CMC2: variants seen among roughly 807,000 people sequenced by gnomAD.
CMC2 encodes C-X9-C motif containing 2, also known as COX assembly mitochondrial protein 2 homolog.
A neutral mutation model predicts 7.5 loss-of-function variants in CMC2; 5 were observed. The observed-to-expected ratio is 0.66, with a 90% CI of 0.35 to 1.40. The LOEUF (loss-of-function observed/expected upper bound fraction) is 1.40. Among genes scored for constraint, CMC2 ranks in the 40% most tolerant of loss-of-function variants. CMC2 has a pLI of 0.04. For synonymous variants in CMC2, 37 were observed against 31.4 expected, an observed-to-expected ratio of 1.18 and a Z score of -0.60; for missense variants, 115 against 92.3, an observed-to-expected ratio of 1.25 and a Z score of -1.01.
At chr16:80,982,702 A>C (rs1967218517) in intron 2 of CMC2, 1 of 152,136 alleles carries the variant, frequency 6.6e-6, no homozygotes, top group African/African-American at 2.4e-5. Flanking sequence ...CAACTACATA[A>C]AATTAACTGC....
At chr16:80,979,405 A>T (rs1330910436) in intron 3 of CMC2, among the ~76,000 whole-genome samples, 1 of 152,134 alleles carries the variant, frequency 6.6e-6, no homozygotes, top group Admixed American at 6.5e-5. Context: ...TCACTAACAG[A>T]TCTCAGGCCA....
chr16:80,972,103 T>G lies in CMC2; in HGVS notation c.*3990A>C, dbSNP rs1197575798. 1 of 152,288 alleles carries G rather than the reference T, an allele frequency of 6.6e-6. No homozygotes were observed. Among genetic ancestry groups the G allele is most frequent in the Non-Finnish European group, 1.5e-5 (1 of 68,116 alleles). The allele number at this position is 152,288 out of a possible 1,614,324, so 9.4% of individuals were successfully genotyped here. On this transcript the variant is annotated 3_prime_UTR_variant, in exon 4 of 4. Coordinates refer to ENST00000219400, the MANE Select transcript of CMC2 (RefSeq NM_020188.5). ...CCACAGGCCTCTAGCCCAGGCCACC[T>G]GCTCCATCTGATACCAGAGGCAGGA... is the stretch of plus-strand genomic sequence containing the variant.
chr16:80,997,075 A>G (rs1968480477), intron 2 of CMC2: 4 of 559,956 alleles, frequency 7.1e-6, no homozygotes, highest in African/African-American at 1.9e-5. Flanking sequence ...TCCAACTGTT[A>G]CATACCAGTT....
rs187504367 is a variant in CMC2, at chr16:80,997,388, G to A, written c.7C>T (p.Pro3Ser). 9.3e-5 allele frequency: 150 copies of A among 1,612,024 alleles called. 1 individual carries two copies. In the East Asian group the frequency reaches 2.9e-3, roughly 31 times the overall value. Residue 3 changes from proline to serine, a missense_variant, in exon 2 of 4, where the codon CCT (proline) becomes TCT (serine). Pro to Ser is a moderately conservative substitution (Grantham distance 74). Transcript: ENST00000219400. ...GTGTGCAAGTGTGGAGATAAGTCAGGATGCATCTTTAGGAGATGAGGATGG... is the reference window on the plus strand; with the variant it reads ...GTGTGCAAGTGTGGAGATAAGTCAGAATGCATCTTTAGGAGATGAGGATGG... Reference protein sequence around the residue: MHPDLSPHLHTEE... With the variant: MHSDLSPHLHTEE...
chr16:80,971,419 C>A lies in CMC2; in HGVS notation c.*4674G>T. 1 of 149,778 alleles carries A rather than the reference C, an allele frequency of 6.7e-6. No individual in the cohort carries two copies. Among genetic ancestry groups the A allele is most frequent in the Admixed American group, 6.6e-5 (1 of 15,054 alleles). 9.3% of individuals were successfully genotyped at this position (149,778 alleles called of 1,614,324 possible). A position where few individuals can be genotyped will look rare whatever the true frequency, so the allele number is the denominator to read the frequency against. ...CTATATAGCAGGCAAAACAAATAAA[C>A]AAGAACCTCATTTATCAACATAGTA... On this transcript the variant is annotated 3_prime_UTR_variant, in exon 4 of 4. Transcript: ENST00000219400.
At chr16:80,989,375 G>A (rs1967794022) in intron 2 of CMC2, among the ~76,000 whole-genome samples, 2 of 152,236 alleles carry the variant, frequency 1.3e-5, no homozygotes, top group South Asian at 2.1e-4. Context: ...TGGACTCATG[G>A]ATCCTTATTC....
intron 1 of CMC2, among the ~76,000 whole-genome samples, chr16:81,004,444 G>A (rs1969093125): frequency 6.6e-6 from 1 of 152,174 alleles, no homozygotes; most frequent in Admixed American, 6.5e-5. Flanking sequence ...TAACTACTCT[G>A]ACTTCCATCA....
intron 1 of CMC2, among the ~76,000 whole-genome samples, chr16:81,006,281 T>G (rs2602422): frequency 0.99 from 150,128 of 152,326 alleles, 74,017 homozygotes; most frequent in Middle Eastern, 1. Flanking sequence ...CAGCTGAGAC[T>G]TGCTTGAACG....
intron 1 of CMC2, among the ~76,000 whole-genome samples, chr16:81,000,737 A>G (rs1398106271): frequency 6.6e-6 from 1 of 152,230 alleles, no homozygotes; most frequent in East Asian, 1.9e-4. Flanking sequence ...GAATGCTTAT[A>G]CACTGTTGTG....
intron 2 of CMC2, among the ~76,000 whole-genome samples, chr16:80,994,547 A>G (rs529699780): frequency 4.2e-4 from 64 of 152,234 alleles, no homozygotes; most frequent in Non-Finnish European, 6.5e-4. Flanking sequence ...ATTTTAAAAT[A>G]CAGGCAAAAA....
intron 3 of CMC2, among the ~76,000 whole-genome samples, chr16:80,979,600 T>A (rs549882261): frequency 1.1e-4 from 16 of 150,984 alleles, no homozygotes; most frequent in African/African-American, 3.9e-4. Context: ...CTATTTATTT[T>A]ATTTATTTTT....
intron 2 of CMC2, among the ~76,000 whole-genome samples, chr16:80,990,942 G>A (rs1255344097): frequency 6.6e-6 from 1 of 151,098 alleles, no homozygotes; most frequent in African/African-American, 2.4e-5. Flanking sequence ...GCCCATGTAG[G>A]TCTTGAACTC....
chr16:80,991,653 G>A (rs1318481032), intron 2 of CMC2: 4 of 192,396 alleles, frequency 2.1e-5, no homozygotes, highest in South Asian at 8.3e-5. Flanking sequence ...AAAAAAAAAA[G>A]GTACAGAAAC....
chr16:80,968,942 C>A lies in CMC2; in HGVS notation c.*7151G>T, dbSNP rs1486450423. On this transcript the variant is annotated 3_prime_UTR_variant, in exon 4 of 4. Transcript: ENST00000219400. ...TGAGAAACAAGAATATCACATAAAG[C>A]CAGGAGATGGTAATCCTCTAAGAAA... 1 of 152,156 alleles carries A rather than the reference C, an allele frequency of 6.6e-6. No individual in the cohort carries two copies. Among genetic ancestry groups the A allele is most frequent in the Non-Finnish European group, 1.5e-5 (1 of 68,044 alleles). The allele number at this position is 152,156 out of a possible 1,614,324, so 9.4% of individuals were successfully genotyped here.
At chr16:80,978,309 GAAGAT>G in intron 3 of CMC2, 8 of 1,247,576 alleles carry the variant, frequency 6.4e-6, no homozygotes, top group Non-Finnish European at 7.2e-6. Flanking sequence ...AAACTCTTCA[GAAGAT>G]AATACTTTGT....
At chr16:81,000,077 G>GAAT (rs1968741151) in intron 1 of CMC2, among the ~76,000 whole-genome samples, 1 of 152,076 alleles carries the variant, frequency 6.6e-6, no homozygotes, top group African/African-American at 2.4e-5. Context: ...AAGAAACTAT[G>GAAT]AATAGAATAA....
chr16:81,004,268 T>C (rs1424565598), intron 1 of CMC2, among the ~76,000 whole-genome samples: 6 of 152,062 alleles, frequency 3.9e-5, no homozygotes, highest in Admixed American at 3.3e-4. Context: ...GAAACGAAAG[T>C]GAAAGGAACA....
intron 2 of CMC2, among the ~76,000 whole-genome samples, chr16:80,995,762 C>G (rs2549863): frequency 0.65 from 99,152 of 152,004 alleles, 34,081 homozygotes; most frequent in Middle Eastern, 0.8. Flanking sequence ...CTGGGCAAGA[C>G]GTAAGTTAAG....
At position 80,974,001 on chromosome 16, in the gene CMC2, T is replaced by G. The variant is rs1388265679; in HGVS notation, c.*2092A>C. 6.6e-6 allele frequency: 1 copy of G among 152,138 alleles called. No individual in the cohort carries two copies. The highest frequency in any genetic ancestry group is 1.5e-5 in the Non-Finnish European group (1 of 68,026). The allele number at this position is 152,138 out of a possible 1,614,324, so 9.4% of individuals were successfully genotyped here. ...TAGCTGGCATCTGCATGCTGACATCTCCCAATTTTGTTCTAATCCAGGTGA... is the reference window on the plus strand; with the variant it reads ...TAGCTGGCATCTGCATGCTGACATCGCCCAATTTTGTTCTAATCCAGGTGA... On this transcript the variant is annotated 3_prime_UTR_variant, in exon 4 of 4. Transcript: ENST00000219400.
Sources: gnomAD v4.1 joint callset for allele counts (sites outside exome capture counted in the v4.1 genomes callset) on GRCh38, gnomAD v4.1.1 for gene constraint, MANE v1.5 for transcripts, NCBI Gene and HGNC (gene_info 2026-07-23, HGNC 2026-07-21) for gene names.